MYL12B: variants seen among roughly 807,000 people sequenced by gnomAD.
MYL12B encodes the protein myosin regulatory light chain 12B.
A neutral mutation model predicts 12.9 loss-of-function variants in MYL12B; 3 were observed. The ratio of observed to expected loss-of-function variants is 0.23; its 90% CI spans 0.11 to 0.60. The LOEUF is 0.60. MYL12B is among the 20% of genes least tolerant of loss of function. The pLI is 0.89. For synonymous variants in MYL12B, 57 were observed against 71.9 expected, an observed-to-expected ratio of 0.79 and a Z score of 1.05; for missense variants, 120 against 215.4, an observed-to-expected ratio of 0.56 and a Z score of 2.77.
At chr18:3,265,016 A>G (rs1436161920) in intron 1 of MYL12B, among the ~76,000 whole-genome samples, 1 of 152,200 alleles carries the variant, frequency 6.6e-6, no homozygotes, top group Admixed American at 6.5e-5. Flanking sequence ...AGCCAACTGT[A>G]ATGATCATAA....
At chr18:3,277,161 T>A in intron 2 of MYL12B, 92 bp from the exon 3 acceptor site, 1 of 1,303,800 alleles carries the variant, frequency 7.7e-7, no homozygotes, top group Non-Finnish European at 1.0e-6. Flanking sequence ...TGATGTACAT[T>A]TTAAAAATAT....
intron 2 of MYL12B, among the ~76,000 whole-genome samples, chr18:3,274,151 TA>T (rs1413310256): frequency 1.3e-5 from 2 of 152,242 alleles, no homozygotes; most frequent in Non-Finnish European, 2.9e-5. Flanking sequence ...AGTTAGATTA[TA>T]ACCTAGTGTT....
At chr18:3,272,245 A>G (rs554180201) in intron 1 of MYL12B, 156 of 81,058 alleles carry the variant, frequency 1.9e-3, no homozygotes, top group Non-Finnish European at 2.0e-3. Flanking sequence ...TGTTTTACTG[A>G]TGAAAAATTG....
At chr18:3,272,793 T>C (rs1598808781) in intron 1 of MYL12B, 91 bp from the exon 2 acceptor site, 2 of 1,155,940 alleles carry the variant, frequency 1.7e-6, no homozygotes, top group African/African-American at 3.1e-5. Flanking sequence ...TTGATATTTT[T>C]ACCTACAGAC....
chr18:3,275,503 C>CT (rs1249516471), intron 2 of MYL12B, among the ~76,000 whole-genome samples: 1 of 152,064 alleles, frequency 6.6e-6, no homozygotes, highest in African/African-American at 2.4e-5. Context: ...GAAGGGATGG[C>CT]TATGCCATTT....
At chr18:3,263,931 C>G (rs189015860) in intron 1 of MYL12B, among the ~76,000 whole-genome samples, 1 of 152,180 alleles carries the variant, frequency 6.6e-6, no homozygotes, top group South Asian at 2.1e-4. Flanking sequence ...TGTTTATTCT[C>G]TTTACCCTGA....
At chr18:3,264,811 G>C (rs534821954) in intron 1 of MYL12B, among the ~76,000 whole-genome samples, 1 of 152,346 alleles carries the variant, frequency 6.6e-6, no homozygotes, top group Admixed American at 6.5e-5. Context: ...AATCTGAACA[G>C]TGGTTGCCTA....
chr18:3,267,618 T>G (rs2144355151), intron 1 of MYL12B, among the ~76,000 whole-genome samples: 1 of 152,328 alleles, frequency 6.6e-6, no homozygotes, highest in African/African-American at 2.4e-5. Flanking sequence ...TGAAAATAAG[T>G]GAGTACAGTA....
intron 1 of MYL12B, among the ~76,000 whole-genome samples, chr18:3,266,366 A>G (rs1351360830): frequency 1.3e-5 from 2 of 151,674 alleles, no homozygotes; most frequent in African/African-American, 4.9e-5. Flanking sequence ...GAGCAGGGCA[A>G]AAGCTGCAAG....
intron 1 of MYL12B, among the ~76,000 whole-genome samples, chr18:3,271,360 A>G (rs148306549): frequency 0.02 from 3,092 of 152,296 alleles, 43 homozygotes; most frequent in Middle Eastern, 0.041. Flanking sequence ...GTGTACTTCA[A>G]AACAACACCA....
intron 3 of MYL12B, 94 bp downstream of exon 3, chr18:3,277,508 T>TA: frequency 6.6e-7 from 1 of 1,521,728 alleles, no homozygotes. Context: ...CTTTAGAAAA[T>TA]ATTTGCTTAA....
intron 1 of MYL12B, among the ~76,000 whole-genome samples, chr18:3,267,487 A>G (rs1295978991): frequency 6.6e-6 from 1 of 152,152 alleles, no homozygotes; most frequent in Non-Finnish European, 1.5e-5. Flanking sequence ...TTTATTATCA[A>G]CTAAGTATGT....
intron 2 of MYL12B, chr18:3,276,606 A>G (rs948412644): frequency 8.3e-6 from 8 of 963,416 alleles, no homozygotes; most frequent in African/African-American, 5.3e-5. Context: ...TTAAACTTAA[A>G]TGGCCAACTT....
chr18:3,265,622 T>C (rs2144352657), intron 1 of MYL12B, among the ~76,000 whole-genome samples: 1 of 152,332 alleles, frequency 6.6e-6, no homozygotes, highest in Middle Eastern at 3.4e-3. Flanking sequence ...TTTATCATCC[T>C]TTGCTGACAA....
chr18:3,267,803 C>A (rs763865702), intron 1 of MYL12B, among the ~76,000 whole-genome samples: 8 of 152,144 alleles, frequency 5.3e-5, no homozygotes, highest in Non-Finnish European at 1.2e-4. Context: ...TCTGTATCTG[C>A]AGAGGGTTGG....
chr18:3,268,412 G>A (rs2081651139), intron 1 of MYL12B, among the ~76,000 whole-genome samples: 1 of 152,068 alleles, frequency 6.6e-6, no homozygotes, highest in Non-Finnish European at 1.5e-5. Context: ...GTTTTTGAAT[G>A]CTTCTTGGTT....
At chr18:3,275,152 C>A (rs566492963) in intron 2 of MYL12B, among the ~76,000 whole-genome samples, 3 of 152,266 alleles carry the variant, frequency 2.0e-5, no homozygotes, top group Admixed American at 6.5e-5. Flanking sequence ...AAATGAGATC[C>A]TGTCATTGCA....
intron 1 of MYL12B, among the ~76,000 whole-genome samples, chr18:3,267,153 T>G (rs2081640856): frequency 6.6e-6 from 1 of 152,192 alleles, no homozygotes; most frequent in Non-Finnish European, 1.5e-5. Context: ...CCCCAGACAT[T>G]CCATTACCTT....
intron 1 of MYL12B, chr18:3,272,221 T>A (rs2081685062): frequency 2.4e-6 from 1 of 414,596 alleles, no homozygotes; most frequent in Admixed American, 1.3e-3. Flanking sequence ...TTCTTTGCAT[T>A]GAAGTAGATA....
Sources: gnomAD v4.1 joint callset for allele counts (sites outside exome capture counted in the v4.1 genomes callset) on GRCh38, gnomAD v4.1.1 for gene constraint, MANE v1.5 for transcripts, NCBI Gene and HGNC (gene_info 2026-07-23, HGNC 2026-07-21) for gene names.